CAST: variants seen among roughly 807,000 people sequenced by gnomAD.
CAST encodes the protein MIR583 host.
In CAST, 76 loss-of-function variants were observed where a neutral mutation model predicts 119.6. The ratio of observed to expected loss-of-function variants is 0.64; its 90% CI spans 0.53 to 0.77. CAST has a LOEUF of 0.77. Ranked by LOEUF, CAST falls within the 30% of genes least tolerant of loss-of-function variation. CAST has a pLI of 0.00. For synonymous variants in CAST, 319 were observed against 331.6 expected (o/e 0.96, Z 0.41); for missense variants, 953 against 946.5 (o/e 1.01, Z -0.09).
the CAST span, among the ~76,000 whole-genome samples, chr5:96,424,007 G>A: frequency 6.6e-6 from 1 of 152,172 alleles, no homozygotes; most frequent in Non-Finnish European, 1.5e-5. Context: ...TGATTTAGGG[G>A]GTAAGTGTCT....
the CAST span, among the ~76,000 whole-genome samples, chr5:96,057,840 C>T: frequency 1.3e-5 from 2 of 152,166 alleles, no homozygotes; most frequent in Non-Finnish European, 2.9e-5. Context: ...TTTGAACCTA[C>T]ATTTATCTAT....
chr5:96,750,797 A>C, intron 20 of CAST, 115 bp downstream of exon 20: 1 of 565,042 alleles, frequency 1.8e-6, no homozygotes, highest in Non-Finnish European at 3.2e-6. Context: ...TTAAAAATAA[A>C]ATCTGATATC....
At chr5:96,743,613 T>C in intron 16 of CAST, 1 of 1,610,798 alleles carries the variant, frequency 6.2e-7, no homozygotes, top group South Asian at 1.1e-5. Context: ...AGTCTGGGAC[T>C]GCCCTGGCCT....
At chr5:96,497,034 C>T in the CAST span, among the ~76,000 whole-genome samples, 7 of 127,806 alleles carry the variant, frequency 5.5e-5, no homozygotes, top group African/African-American at 2.0e-4. Context: ...CAACAGGCCC[C>T]AGTGTGTGAT....
At chr5:96,162,727 T>C in the CAST span, among the ~76,000 whole-genome samples, 18 of 152,340 alleles carry the variant, frequency 1.2e-4, no homozygotes, top group South Asian at 1.0e-3. Context: ...CTGATTTTAA[T>C]GTTACATCAT....
At chr5:96,637,732 A>G (rs967801517) in intron 1 of CAST, among the ~76,000 whole-genome samples, 1 of 152,196 alleles carries the variant, frequency 6.6e-6, no homozygotes, top group African/African-American at 2.4e-5. Flanking sequence ...TTTCTTTTTT[A>G]TTAATCACTA....
rs77790487 is a variant in CAST at position 96,743,922 on chromosome 5, C to G, written c.1200+1166C>G. 6.9e-3 allele frequency among the ~76,000 whole-genome samples: 1,046 copies of G among 152,096 alleles called. 14 individuals carry two copies. The highest frequency in any genetic ancestry group is 0.024 in the African/African-American group (995 of 41,492). On this transcript the variant is annotated intron_variant, in intron 16 of 31. Coordinates refer to ENST00000675179, the MANE Select transcript of CAST (RefSeq NM_001750.7). Reference sequence around the variant, plus strand: ...TTACCACCTGAGGGCGACAGGGCCACAAGTATATTGCACTTCTGCCCCAAG... The same window carrying G: ...TTACCACCTGAGGGCGACAGGGCCAGAAGTATATTGCACTTCTGCCCCAAG...
chr5:96,022,906 G>C, the CAST span, among the ~76,000 whole-genome samples: 1 of 152,066 alleles, frequency 6.6e-6, no homozygotes, highest in Non-Finnish European at 1.5e-5. Context: ...ACTTATCAAG[G>C]GTAGTTGCTT....
chr5:96,659,581 T>A (rs536561032), upstream of CAST, among the ~76,000 whole-genome samples: 1 of 152,170 alleles, frequency 6.6e-6, no homozygotes, highest in African/African-American at 2.4e-5. Context: ...CAGGCTGGAG[T>A]GCAATGGGAC....
chr5:96,530,163 T>C (rs1214627951), intron 1 of CAST, among the ~76,000 whole-genome samples: 1 of 147,088 alleles, frequency 6.8e-6, no homozygotes, highest in African/African-American at 2.5e-5. Flanking sequence ...AGAGACAGAC[T>C]AACGTGGGAG....
chr5:96,747,558 C>T (rs1222211310), intron 18 of CAST, among the ~76,000 whole-genome samples, 166 bp downstream of exon 18: 1 of 152,104 alleles, frequency 6.6e-6, no homozygotes, highest in Non-Finnish European at 1.5e-5. Context: ...CCTGTAGCTC[C>T]TTTCCATATA....
chr5:96,357,024 A>G, the CAST span, among the ~76,000 whole-genome samples: 16 of 151,942 alleles, frequency 1.1e-4, no homozygotes, highest in Non-Finnish European at 1.9e-4. Context: ...GTGGTTTGTA[A>G]TTCTCCTTGA....
chr5:96,351,318 A>G, the CAST span, among the ~76,000 whole-genome samples: 1 of 152,144 alleles, frequency 6.6e-6, no homozygotes, highest in Non-Finnish European at 1.5e-5. Context: ...CTATGGCCAA[A>G]GAGATATAAT....
the CAST span, among the ~76,000 whole-genome samples, chr5:96,496,491 T>A: frequency 6.6e-6 from 1 of 152,350 alleles, no homozygotes; most frequent in East Asian, 1.9e-4. Context: ...TTTTCTGGCA[T>A]ATGGATAGGC....
the CAST span, chr5:96,397,475 A>G: frequency 6.2e-7 from 1 of 1,610,982 alleles, no homozygotes; most frequent in Non-Finnish European, 8.5e-7. Context: ...AGTTCCTATG[A>G]AACAAATACA....
chr5:96,077,028 A>T, the CAST span, among the ~76,000 whole-genome samples: 1 of 151,628 alleles, frequency 6.6e-6, no homozygotes, highest in Non-Finnish European at 1.5e-5. Flanking sequence ...CATTAAAATT[A>T]TCCATGTTTT....
chr5:96,539,411 T>G (rs980278439), intron 1 of CAST, among the ~76,000 whole-genome samples: 2 of 152,202 alleles, frequency 1.3e-5, no homozygotes, highest in African/African-American at 4.8e-5. Context: ...TCTAAATAAT[T>G]TTGTTTTTTG....
chr5:96,344,201 A>G, the CAST span, among the ~76,000 whole-genome samples: 2 of 143,700 alleles, frequency 1.4e-5, no homozygotes, highest in East Asian at 2.0e-4. Flanking sequence ...AATAGTGAAG[A>G]GTGACATAGT....
chr5:96,611,734 A>C (rs1291436612), intron 1 of CAST, among the ~76,000 whole-genome samples: 2 of 152,142 alleles, frequency 1.3e-5, no homozygotes, highest in African/African-American at 4.8e-5. Flanking sequence ...TTCAGAATCT[A>C]TACTTAACTT....
Sources: allele counts gnomAD v4.1 joint callset (sites outside exome capture counted in the v4.1 genomes callset), GRCh38; gene constraint gnomAD v4.1.1; transcripts MANE v1.5; gene names NCBI Gene and HGNC (gene_info 2026-07-23, HGNC 2026-07-21).